The following DEPDC1B variants were observed in gnomAD, a reference collection of about 807,000 sequenced individuals.
The protein encoded by DEPDC1B is DEP domain-containing protein 1B.
In DEPDC1B, 51 loss-of-function variants were observed where a neutral mutation model predicts 66.5. The ratio of observed to expected loss-of-function variants is 0.77; its 90% CI spans 0.61 to 0.97. DEPDC1B has a LOEUF of 0.97. DEPDC1B is among the 50% of genes least tolerant of loss of function. The pLI is 0.00. For synonymous variants in DEPDC1B, 226 were observed against 223.6 expected (o/e 1.01, Z -0.10); for missense variants, 552 against 637.1 (o/e 0.87, Z 1.44).
chr5:60,684,010 A>C (rs1448728049), intron 2 of DEPDC1B, among the ~76,000 whole-genome samples: 1 of 149,226 alleles, frequency 6.7e-6, no homozygotes, highest in Non-Finnish European at 1.5e-5. Flanking sequence ...TACTAGCTAC[A>C]AAAAAAAAAT....
chr5:60,687,207 A>G lies in DEPDC1B; in HGVS notation c.69T>C (p.Leu23=). ...TCCGTAACGGCATCTTAGCACGAAA[A>G]AGCTCCACGGTCTCATTCCACTAGG... is the stretch of plus-strand genomic sequence containing the variant. ...ATRLWNETVE[L]FRAKMPLRKH... Residue 23 remains leucine (L), a synonymous_variant, in exon 2 of 11, where the codon CTT becomes CTC. Transcript: ENST00000265036. 6.2e-7 allele frequency: 1 copy of G among 1,612,078 alleles called. No individual in the cohort carries two copies.
chr5:60,619,729 G>C (rs1393566641), intron 7 of DEPDC1B, among the ~76,000 whole-genome samples: 3 of 152,160 alleles, frequency 2.0e-5, no homozygotes, highest in Non-Finnish European at 4.4e-5. Context: ...GTAATTTATA[G>C]ATTCAATGCC....
rs112305802 is a variant in DEPDC1B, at chr5:60,654,558, T to C, written c.315-7025A>G. On this transcript the variant is annotated intron_variant, in intron 2 of 10. Transcript: ENST00000265036. ...TCTTTAAGGTTTTCTATGTATACGA[T>C]CATATCATCAAGAAACAGTGACAGT... is the stretch of plus-strand genomic sequence containing the variant. Among the ~76,000 whole-genome samples the C allele has an allele frequency of 1.4e-3, 205 of 148,878 alleles. 25 individuals are homozygous for C. Among genetic ancestry groups the C allele is most frequent in the African/African-American group, 5.2e-3 (204 of 39,418 alleles).
intron 7 of DEPDC1B, among the ~76,000 whole-genome samples, chr5:60,629,637 G>C (rs960170790): frequency 2.6e-5 from 4 of 152,254 alleles, no homozygotes; most frequent in African/African-American, 9.6e-5. Flanking sequence ...TCTTTTACCT[G>C]GTAGTCAAAT....
chr5:60,692,718 T>C (rs889535075), intron 1 of DEPDC1B, among the ~76,000 whole-genome samples: 3 of 152,078 alleles, frequency 2.0e-5, no homozygotes, highest in Non-Finnish European at 4.4e-5. Context: ...AAAAGACACA[T>C]TGTTCATAAT....
chr5:60,600,130 T>G (rs1443819182), intron 9 of DEPDC1B, among the ~76,000 whole-genome samples: 4 of 152,194 alleles, frequency 2.6e-5, no homozygotes, highest in Non-Finnish European at 5.9e-5. Flanking sequence ...AGTGTGATTC[T>G]CAATGCCTTG....
At chr5:60,617,082 A>G (rs1231489671) in intron 7 of DEPDC1B, among the ~76,000 whole-genome samples, 1 of 152,218 alleles carries the variant, frequency 6.6e-6, no homozygotes, top group Non-Finnish European at 1.5e-5. Context: ...CAGACAAGCA[A>G]ATGCTGAGAG....
At chr5:60,676,852 C>T (rs1754173521) in intron 2 of DEPDC1B, among the ~76,000 whole-genome samples, 1 of 152,138 alleles carries the variant, frequency 6.6e-6, no homozygotes, top group Non-Finnish European at 1.5e-5. Context: ...AGGCAGATAA[C>T]ATAATCATGA....
chr5:60,693,334 T>C lies in DEPDC1B; in HGVS notation c.49-6107A>G, dbSNP rs532916404. On this transcript the variant is annotated intron_variant, in intron 1 of 10. Transcript: ENST00000265036. ...GTGAGTGGATGAAGGAGGGAAAGTA[T>C]GTAAACAGGAAAAGCAGAGCAAAGG... Among the ~76,000 whole-genome samples, 4 of 152,172 alleles carry C rather than the reference T, an allele frequency of 2.6e-5. No individual in the cohort carries two copies. The South Asian group carries it at 8.3e-4, about 32-fold the overall frequency.
chr5:60,700,146 G>A lies in DEPDC1B; in HGVS notation c.-53C>T, dbSNP rs947111762. 26 of 1,520,720 alleles carry A rather than the reference G, an allele frequency of 1.7e-5. No homozygotes were observed. The African/African-American group carries it at 2.4e-4, about 14-fold the overall frequency. The allele number at this position is 1,520,720 out of a possible 1,614,324, so 94.2% of individuals were successfully genotyped here. ...GCGCCAGCGCTGATCCCCGCCAGCC[G>A]GAGGAGCAGCAGTTTGAATCCCAAG... On this transcript the variant is annotated 5_prime_UTR_variant, in exon 1 of 11. Coordinates refer to ENST00000265036, the MANE Select transcript of DEPDC1B (RefSeq NM_018369.3).
intron 7 of DEPDC1B, among the ~76,000 whole-genome samples, chr5:60,607,776 C>A (rs1376280647): frequency 6.6e-6 from 1 of 152,132 alleles, no homozygotes; most frequent in Non-Finnish European, 1.5e-5. Flanking sequence ...CAGGGAAATA[C>A]TGCAGAGACA....
chr5:60,607,142 A>G (rs1308576920), intron 7 of DEPDC1B, among the ~76,000 whole-genome samples: 2 of 152,200 alleles, frequency 1.3e-5, no homozygotes, highest in African/African-American at 4.8e-5. Context: ...GAGGGGAACT[A>G]TAAGCCACTC....
At chr5:60,629,187 T>C (rs923897984) in intron 7 of DEPDC1B, among the ~76,000 whole-genome samples, 8 of 152,238 alleles carry the variant, frequency 5.3e-5, no homozygotes, top group Non-Finnish European at 1.0e-4. Flanking sequence ...GTGAATTTTT[T>C]ATGGTGAAGA....
intron 2 of DEPDC1B, among the ~76,000 whole-genome samples, chr5:60,683,489 C>T (rs1422043722): frequency 3.3e-5 from 5 of 151,934 alleles, no homozygotes; most frequent in Non-Finnish European, 7.4e-5. Context: ...ATATATACAT[C>T]ACAACAACAG....
intron 6 of DEPDC1B, among the ~76,000 whole-genome samples, chr5:60,641,520 G>A (rs1299811159): frequency 6.6e-6 from 1 of 151,922 alleles, no homozygotes; most frequent in Admixed American, 6.6e-5. Flanking sequence ...TAGAGACGGA[G>A]TTTCACCATG....
chr5:60,675,095 C>T (rs544381340), intron 2 of DEPDC1B, among the ~76,000 whole-genome samples: 1 of 152,210 alleles, frequency 6.6e-6, no homozygotes, highest in Middle Eastern at 3.4e-3. Flanking sequence ...GAGGAACATA[C>T]AAATGACCAA....
chr5:60,610,391 G>C (rs1752391539), intron 7 of DEPDC1B, among the ~76,000 whole-genome samples: 1 of 152,150 alleles, frequency 6.6e-6, no homozygotes, highest in African/African-American at 2.4e-5. Context: ...CTATCTTAAA[G>C]CATTAAAACT....
At position 60,644,837 on chromosome 5, in the gene DEPDC1B, ACTT is replaced by A. The variant is rs764321128; in HGVS notation, c.614_616del (p.Glu205del). ...CGAATTGACAAGTTTGACGTCTAAA[ACTT>A]CTTCTAAGGAATCCAGGCCAAGAAT... On this transcript the variant is annotated inframe_deletion, in exon 5 of 11. Coordinates refer to ENST00000265036, the MANE Select transcript of DEPDC1B (RefSeq NM_018369.3). 69 of 1,610,822 alleles carry A rather than the reference ACTT, an allele frequency of 4.3e-5. No homozygotes were observed. The highest frequency in any genetic ancestry group is 2.1e-5 in the Non-Finnish European group (25 of 1,178,202).
intron 2 of DEPDC1B, among the ~76,000 whole-genome samples, chr5:60,662,837 G>A (rs1223049231): frequency 2.0e-5 from 3 of 152,048 alleles, no homozygotes; most frequent in African/African-American, 7.2e-5. Flanking sequence ...CAGAGCCCCA[G>A]GTATGCTTGA....
Sources: gnomAD v4.1 joint callset for allele counts (sites outside exome capture counted in the v4.1 genomes callset) on GRCh38, gnomAD v4.1.1 for gene constraint, MANE v1.5 for transcripts, NCBI Gene and HGNC (gene_info 2026-07-23, HGNC 2026-07-21) for gene names.